Variants in SLC16A12 observed in about 807,000 individuals in gnomAD.
SLC16A12 encodes monocarboxylate transporter 12.
Under a neutral mutation model 42.4 loss-of-function variants are expected in SLC16A12, and 17 were observed. That is an observed-to-expected ratio of 0.40 (90% CI 0.27 to 0.60). The LOEUF (loss-of-function observed/expected upper bound fraction) is 0.60, where lower values mean the gene tolerates loss of function less well. Ranked by LOEUF, SLC16A12 falls within the 20% of genes least tolerant of loss-of-function variation. The pLI, the probability that SLC16A12 is intolerant of heterozygous loss-of-function variation, is 0.42. For missense variants in SLC16A12, 544 were observed against 623.0 expected (o/e 0.87, Z 1.35); for synonymous variants, 224 against 229.4 (o/e 0.98, Z 0.21).
intron 3 of SLC16A12, among the ~76,000 whole-genome samples, chr10:89,460,584 C>T (rs966878754): frequency 4.6e-5 from 7 of 151,520 alleles, no homozygotes; most frequent in African/African-American, 1.7e-4. Context: ...ATTAGCCAGG[C>T]GTAATTTTTG....
chr10:89,455,434 T>C (rs975537092), intron 3 of SLC16A12, among the ~76,000 whole-genome samples: 1 of 152,200 alleles, frequency 6.6e-6, no homozygotes, highest in Admixed American at 6.5e-5. Flanking sequence ...TCAAAATTAA[T>C]ACCTGAAATT....
In SLC16A12 at chr10:89,432,950, A is replaced by T; in HGVS notation, c.*114T>A. ...ATTAATATGTTAACAAAACAATAAT[A>T]ATAATTTCCTTGGAAGGCAATCCTT... On this transcript the variant is annotated 3_prime_UTR_variant, in exon 8 of 8. Coordinates refer to ENST00000371790, the MANE Select transcript of SLC16A12 (RefSeq NM_213606.4). 1 of 1,369,392 alleles carries T rather than the reference A, an allele frequency of 7.3e-7. No individual in the cohort carries two copies. Among genetic ancestry groups the T allele is most frequent in the Non-Finnish European group, 9.9e-7 (1 of 1,008,692 alleles). 84.8% of individuals were successfully genotyped at this position (1,369,392 alleles called of 1,614,324 possible). A position where few individuals can be genotyped will look rare whatever the true frequency, so the allele number is the denominator to read the frequency against.
intron 2 of SLC16A12, among the ~76,000 whole-genome samples, chr10:89,530,850 T>C (rs1843539423): frequency 6.6e-6 from 1 of 152,214 alleles, no homozygotes. Flanking sequence ...CCCACTTCCC[T>C]GGCAATCACT....
chr10:89,430,813 TA>T lies in SLC16A12; in HGVS notation c.*2250del, dbSNP rs571929288. On this transcript the variant is annotated 3_prime_UTR_variant, in exon 8 of 8. Transcript: ENST00000371790. ...AATACTTGTAATACTTCACAGAAAT[TA>T]TATTGCAGAACCACATAAACAAAAT... 26 of 425,204 alleles carry T rather than the reference TA, an allele frequency of 6.1e-5. No individual in the cohort carries two copies. The highest frequency in any genetic ancestry group is 5.0e-4 in the African/African-American group (24 of 47,988). The allele number at this position is 425,204 out of a possible 1,614,324, so 26.3% of individuals were successfully genotyped here. A position where few individuals can be genotyped will look rare whatever the true frequency, so the allele number is the denominator to read the frequency against.
chr10:89,462,356 G>T (rs1483910604), intron 3 of SLC16A12, 23 bp downstream of exon 3: 14 of 1,613,710 alleles, frequency 8.7e-6, no homozygotes, highest in Non-Finnish European at 1.0e-5. Flanking sequence ...ATCTTAATAA[G>T]TTAAGAAGAA....
At chr10:89,553,982 G>A (rs1042451923) in intron 2 of SLC16A12, among the ~76,000 whole-genome samples, 1 of 149,738 alleles carries the variant, frequency 6.7e-6, no homozygotes, top group Non-Finnish European at 1.5e-5. Flanking sequence ...GCAACAGAGC[G>A]AGACTCCATC....
intron 2 of SLC16A12, among the ~76,000 whole-genome samples, chr10:89,470,338 T>TA (rs1842473190): frequency 6.6e-6 from 1 of 152,194 alleles, no homozygotes; most frequent in Non-Finnish European, 1.5e-5. Flanking sequence ...AGGTATGTGA[T>TA]ATGGTGAAGA....
intron 2 of SLC16A12, among the ~76,000 whole-genome samples, chr10:89,549,121 AT>A (rs1211562925): frequency 6.6e-6 from 1 of 152,224 alleles, no homozygotes; most frequent in Non-Finnish European, 1.5e-5. Context: ...TTTGGGGCTG[AT>A]TTACCCTTTC....
intron 2 of SLC16A12, among the ~76,000 whole-genome samples, chr10:89,503,324 C>T (rs1374413926): frequency 6.6e-6 from 1 of 152,172 alleles, no homozygotes; most frequent in African/African-American, 2.4e-5. Context: ...TGGTGACTCA[C>T]TTTAATAGGA....
intron 6 of SLC16A12, among the ~76,000 whole-genome samples, 165 bp from the exon 7 acceptor site, chr10:89,436,484 G>T (rs533981535): frequency 1.3e-5 from 2 of 152,240 alleles, no homozygotes; most frequent in South Asian, 4.1e-4. Context: ...GCAAATGCAA[G>T]AATTCATCTC....
At chr10:89,539,905 C>CTTTCTTTCTTT (rs1554834032), upstream of SLC16A12, among the ~76,000 whole-genome samples, 1 of 140,734 alleles carries the variant, frequency 7.1e-6, no homozygotes, top group East Asian at 2.0e-4. Context: ...TTCTTTCTTT[C>CTTTCTTTCTTT]TTTCTTTTTT....
chr10:89,463,417 T>C (rs1486098954), intron 2 of SLC16A12, among the ~76,000 whole-genome samples: 1 of 151,796 alleles, frequency 6.6e-6, no homozygotes, highest in African/African-American at 2.4e-5. Flanking sequence ...AAAAGATCAG[T>C]GAAGAAAAAA....
chr10:89,462,780 A>G, intron 2 of SLC16A12, 156 bp from the exon 3 acceptor site: 1 of 787,084 alleles, frequency 1.3e-6, no homozygotes, highest in South Asian at 2.4e-5. Context: ...TGTCCTTGGT[A>G]CATGCTTTCT....
intron 3 of SLC16A12, among the ~76,000 whole-genome samples, chr10:89,455,478 C>A (rs1842174380): frequency 6.6e-6 from 1 of 152,084 alleles, no homozygotes; most frequent in Non-Finnish European, 1.5e-5. Context: ...TTAACAAAGG[C>A]AAACTTTCTA....
intron 2 of SLC16A12, among the ~76,000 whole-genome samples, chr10:89,529,287 A>G (rs1843503103): frequency 6.6e-6 from 1 of 152,196 alleles, no homozygotes; most frequent in African/African-American, 2.4e-5. Flanking sequence ...GGAATCCCAA[A>G]ATAAGTAATT....
upstream of SLC16A12, among the ~76,000 whole-genome samples, chr10:89,538,111 G>A (rs1252583562): frequency 1.3e-5 from 2 of 152,254 alleles, no homozygotes; most frequent in Non-Finnish European, 1.5e-5. Context: ...AAAGGGAGAT[G>A]CACAAAGCAA....
At chr10:89,553,570 TATTGG>T (rs1410627547) in intron 2 of SLC16A12, among the ~76,000 whole-genome samples, 1 of 152,204 alleles carries the variant, frequency 6.6e-6, no homozygotes, top group Non-Finnish European at 1.5e-5. Flanking sequence ...TTTGTGACAA[TATTGG>T]ACAAGTTGTT....
intron 2 of SLC16A12, among the ~76,000 whole-genome samples, chr10:89,551,542 G>A (rs1843771169): frequency 6.6e-6 from 1 of 152,206 alleles, no homozygotes; most frequent in Admixed American, 6.5e-5. Flanking sequence ...AGCTGATATA[G>A]TTTGGCTCTG....
At chr10:89,521,947 A>G (rs529363176) in intron 2 of SLC16A12, among the ~76,000 whole-genome samples, 3 of 152,230 alleles carry the variant, frequency 2.0e-5, no homozygotes, top group Non-Finnish European at 4.4e-5. Context: ...GTATCTTTCC[A>G]TATTACTGCC....
Sources: allele counts gnomAD v4.1 joint callset (sites outside exome capture counted in the v4.1 genomes callset), GRCh38; gene constraint gnomAD v4.1.1; transcripts MANE v1.5; gene names NCBI Gene and HGNC (gene_info 2026-07-23, HGNC 2026-07-21).